Variants in DIP2C observed in about 807,000 individuals in gnomAD.
DIP2C encodes the protein DIP2 acetate--CoA ligase C (putative).
DIP2C carries 33 observed loss-of-function variants against 192.4 expected under a neutral mutation model. The ratio of observed to expected loss-of-function variants is 0.17; its 90% CI spans 0.13 to 0.23. DIP2C has a LOEUF of 0.23. DIP2C is among the 10% of genes least tolerant of loss of function. The pLI, the probability that DIP2C is intolerant of heterozygous loss-of-function variation, is 1.00. For synonymous variants in DIP2C, 979 were observed against 864.1 expected (o/e 1.13, Z -2.33); for missense variants, 1,537 against 2,110.1 (o/e 0.73, Z 5.32).
At chr10:351,075 G>A (rs1162389078) in intron 24 of DIP2C, among the ~76,000 whole-genome samples, 1 of 152,166 alleles carries the variant, frequency 6.6e-6, no homozygotes, top group Non-Finnish European at 1.5e-5. Context: ...AGTGCACAGC[G>A]AGCCCGAGAT....
chr10:552,948 G>A (rs867368610), intron 1 of DIP2C, among the ~76,000 whole-genome samples: 11 of 152,376 alleles, frequency 7.2e-5, no homozygotes, highest in South Asian at 6.2e-4. Context: ...CCAGAAGGCC[G>A]AGCCTTTGCT....
intron 1 of DIP2C, among the ~76,000 whole-genome samples, chr10:521,945 A>G (rs1245033243): frequency 4.0e-5 from 6 of 149,306 alleles, no homozygotes; most frequent in African/African-American, 5.0e-5. Flanking sequence ...ACCACCACCC[A>G]GAGTCCATAG....
In DIP2C at chr10:414,124, A is replaced by ATACAAGAGGT. The variant is rs750547939; in HGVS notation, c.860-24_860-15dup. ...CCGGTTGTTGAACTAAATCGTTTGA[A>ATACAAGAGGT]TACAAGAGGTTACAAGAGAAATGCA... On this transcript the variant is annotated splice_polypyrimidine_tract_variant and intron_variant, in intron 7 of 36. Coordinates refer to ENST00000280886, the MANE Select transcript of DIP2C (RefSeq NM_014974.3). 4 of 1,605,292 alleles carry ATACAAGAGGT rather than the reference A, an allele frequency of 2.5e-6. No homozygotes were observed. The highest frequency in any genetic ancestry group is 3.4e-6 in the Non-Finnish European group (4 of 1,173,680).
At chr10:431,794 A>G (rs1400600791) in intron 4 of DIP2C, among the ~76,000 whole-genome samples, 3 of 152,222 alleles carry the variant, frequency 2.0e-5, no homozygotes, top group South Asian at 2.1e-4. Flanking sequence ...TGGTGAGAGG[A>G]GACATCCTTG....
At chr10:615,546 GTCA>G (rs1429447126) in intron 1 of DIP2C, among the ~76,000 whole-genome samples, 4 of 152,094 alleles carry the variant, frequency 2.6e-5, no homozygotes, top group Admixed American at 6.5e-5. Context: ...TAGGGTCAGA[GTCA>G]TCAAATTCAC....
intron 36 of DIP2C, 138 bp downstream of exon 36, chr10:281,062 A>C: frequency 8.1e-7 from 1 of 1,237,366 alleles, no homozygotes; most frequent in South Asian, 1.5e-5. Flanking sequence ...CAAAAGATAA[A>C]GATTTATAGT....
chr10:445,445 TG>T (rs1368310253), intron 3 of DIP2C, among the ~76,000 whole-genome samples: 2 of 150,972 alleles, frequency 1.3e-5, no homozygotes, highest in African/African-American at 4.9e-5. Flanking sequence ...TGTATATATC[TG>T]TTGTGAAGAG....
intron 2 of DIP2C, among the ~76,000 whole-genome samples, chr10:483,986 C>G (rs946703410): frequency 6.6e-6 from 1 of 152,098 alleles, no homozygotes; most frequent in South Asian, 2.1e-4. Flanking sequence ...CTAATTTTTT[C>G]TTTTGTAGAG....
At chr10:302,915 TAAAC>T (rs1297811639) in intron 32 of DIP2C, among the ~76,000 whole-genome samples, 2 of 151,434 alleles carry the variant, frequency 1.3e-5, no homozygotes, top group Non-Finnish European at 2.9e-5. Context: ...GTAGACTCTG[TAAAC>T]ACTGTACTTG....
At chr10:466,728 C>A (rs539783362) in intron 3 of DIP2C, among the ~76,000 whole-genome samples, 1 of 151,878 alleles carries the variant, frequency 6.6e-6, no homozygotes, top group East Asian at 1.9e-4. Flanking sequence ...GGGCAAAGGA[C>A]ATGAACAGAC....
intron 1 of DIP2C, among the ~76,000 whole-genome samples, chr10:584,450 T>A: frequency 7.0e-6 from 1 of 142,290 alleles, no homozygotes; most frequent in Non-Finnish European, 1.5e-5. Flanking sequence ...CTCACGCGCA[T>A]CACCTCTCAA....
intron 1 of DIP2C, among the ~76,000 whole-genome samples, chr10:548,461 A>C: frequency 8.0e-6 from 1 of 125,522 alleles, no homozygotes; most frequent in East Asian, 2.8e-4. Context: ...GGAGGGAGGG[A>C]GGGAGGCAGG....
chr10:289,436 C>G (rs1297361467), intron 32 of DIP2C, among the ~76,000 whole-genome samples: 1 of 152,146 alleles, frequency 6.6e-6, no homozygotes, highest in Non-Finnish European at 1.5e-5. Context: ...ATCTGGATAA[C>G]TTTTAAGTTT....
intron 28 of DIP2C, 90 bp downstream of exon 28, chr10:344,719 G>T (rs1330796445): frequency 4.7e-6 from 5 of 1,061,084 alleles, no homozygotes; most frequent in South Asian, 1.4e-5. Context: ...CTGACTACAC[G>T]AGAGGCGCTG....
chr10:575,902 T>C (rs887315950), intron 1 of DIP2C, among the ~76,000 whole-genome samples: 15 of 152,292 alleles, frequency 9.8e-5, no homozygotes, highest in African/African-American at 3.4e-4. Flanking sequence ...CTCTCCTCCA[T>C]GGTAACAGCT....
intron 4 of DIP2C, among the ~76,000 whole-genome samples, 200 bp from the exon 5 acceptor site, chr10:423,233 C>T (rs992516436): frequency 5.9e-5 from 9 of 152,180 alleles, no homozygotes; most frequent in Non-Finnish European, 8.8e-5. Context: ...ATCCAACACA[C>T]CTTATATAAA....
rs192674899 is a variant in DIP2C, at chr10:596,056, G to A, written c.85+93438C>T. On this transcript the variant is annotated intron_variant, in intron 1 of 36. Transcript: ENST00000280886. ...CAGACCCACTAAGGCCTGTTCCTCCGCCTCCCTCTGCTCAAACGGATAACT... is the reference window on the plus strand; with the variant it reads ...CAGACCCACTAAGGCCTGTTCCTCCACCTCCCTCTGCTCAAACGGATAACT... 6.7e-4 allele frequency among the ~76,000 whole-genome samples: 102 copies of A among 152,244 alleles called. 2 individuals carry two copies. The highest frequency in any genetic ancestry group is 2.4e-3 in the African/African-American group (99 of 41,550).
chr10:378,190 A>G lies in DIP2C; in HGVS notation c.1991+4457T>C, dbSNP rs75431116. 6.1e-3 allele frequency among the ~76,000 whole-genome samples: 927 copies of G among 152,364 alleles called. 4 individuals carry two copies. The highest frequency in any genetic ancestry group is 0.014 in the Middle Eastern group (4 of 294). ...ACATCGGGAGAAAAGAAAACACAAA[A>G]TATAACAGGACAGTGACAGTTTTAA... On this transcript the variant is annotated intron_variant, in intron 17 of 36. Transcript: ENST00000280886.
chr10:473,565 A>T (rs1970818680), intron 2 of DIP2C, among the ~76,000 whole-genome samples: 1 of 151,874 alleles, frequency 6.6e-6, no homozygotes, highest in African/African-American at 2.4e-5. Flanking sequence ...TGTCATCCCC[A>T]CAGTTCTGTG....
Sources: allele counts gnomAD v4.1 joint callset (sites outside exome capture counted in the v4.1 genomes callset), GRCh38; gene constraint gnomAD v4.1.1; transcripts MANE v1.5; gene names NCBI Gene and HGNC (gene_info 2026-07-23, HGNC 2026-07-21).